The following NIPAL3 variants were observed in gnomAD, a reference collection of about 807,000 sequenced individuals.
NIPAL3 encodes NIPA-like protein 3.
A neutral mutation model predicts 47.2 loss-of-function variants in NIPAL3; 41 were observed. The ratio of observed to expected loss-of-function variants is 0.87; its 90% CI spans 0.68 to 1.13. The LOEUF is 1.13. Among genes scored for constraint, NIPAL3 ranks in the 50% most tolerant of loss-of-function variants. NIPAL3 has a pLI of 0.00. For synonymous variants in NIPAL3, 194 were observed against 209.6 expected, an observed-to-expected ratio of 0.93 and a Z score of 0.64; for missense variants, 449 against 530.1, an observed-to-expected ratio of 0.85 and a Z score of 1.50.
chr1:24,436,471 T>C (rs1451319711), intron 2 of NIPAL3, among the ~76,000 whole-genome samples: 2 of 151,972 alleles, frequency 1.3e-5, no homozygotes, highest in African/African-American at 4.8e-5. Flanking sequence ...CTCTCTGCAT[T>C]CAGAATTGTC....
chr1:24,453,371 G>C (rs777845731), intron 6 of NIPAL3, 37 bp from the exon 7 acceptor site: 1 of 1,518,556 alleles, frequency 6.6e-7, no homozygotes, highest in South Asian at 1.1e-5. Flanking sequence ...CTACTTCTGT[G>C]GTCCCCACTG....
chr1:24,424,343 C>G lies in NIPAL3; in HGVS notation c.93+4703C>G, dbSNP rs529712432. On this transcript the variant is annotated intron_variant, in intron 2 of 11. Transcript: ENST00000374399. ...CTGTAGAATGTTGGTTTTCATCCTT[C>G]CCTCCCAACGGCTGTGTGGATCAAT... Among the ~76,000 whole-genome samples the G allele has an allele frequency of 1.3e-4, 20 of 152,308 alleles. No homozygotes were observed. The South Asian group carries it at 2.3e-3, about 17-fold the overall frequency.
intron 4 of NIPAL3, 93 bp downstream of exon 4, chr1:24,442,319 C>G (rs1645436562): frequency 4.3e-6 from 6 of 1,388,994 alleles, no homozygotes; most frequent in African/African-American, 1.4e-5. Context: ...ATTGAACAAA[C>G]CAGCTTTAGC....
At chr1:24,457,640 A>C in intron 8 of NIPAL3, 1 of 455,108 alleles carries the variant, frequency 2.2e-6, no homozygotes, top group South Asian at 1.7e-5. Context: ...GGAGAGAGTA[A>C]GAGGCTAGAA....
At chr1:24,448,974 A>C (rs1645802328) in intron 5 of NIPAL3, among the ~76,000 whole-genome samples, 1 of 152,256 alleles carries the variant, frequency 6.6e-6, no homozygotes, top group Non-Finnish European at 1.5e-5. Flanking sequence ...CACAGTGAGA[A>C]CGAATGAACT....
At chr1:24,430,615 A>C (rs542905597) in intron 2 of NIPAL3, among the ~76,000 whole-genome samples, 1 of 152,216 alleles carries the variant, frequency 6.6e-6, no homozygotes, top group Admixed American at 6.5e-5. Context: ...ATGATAAACT[A>C]TTTTCATCAG....
chr1:24,448,209 C>T (rs1048625380), intron 5 of NIPAL3, among the ~76,000 whole-genome samples: 1 of 152,192 alleles, frequency 6.6e-6, no homozygotes, highest in Non-Finnish European at 1.5e-5. Flanking sequence ...AAAGTTAGTT[C>T]TATCCCAGAA....
chr1:24,436,302 T>A (rs1468343470), intron 2 of NIPAL3, among the ~76,000 whole-genome samples: 1 of 152,098 alleles, frequency 6.6e-6, no homozygotes, highest in Non-Finnish European at 1.5e-5. Flanking sequence ...GGCTTTTGTT[T>A]TTTTTTTACC....
chr1:24,472,477 T>G lies in NIPAL3; in HGVS notation c.*3292T>G, dbSNP rs1480652401. The G allele has an allele frequency of 6.6e-6, 1 of 152,168 alleles. No individual in the cohort carries two copies. The highest frequency in any genetic ancestry group is 2.4e-5 in the African/African-American group (1 of 41,444). The allele number at this position is 152,168 out of a possible 1,614,324, so 9.4% of individuals were successfully genotyped here. On this transcript the variant is annotated 3_prime_UTR_variant, in exon 12 of 12. Transcript: ENST00000374399. The stretch of plus-strand genomic sequence containing the variant: ...TGGCTCTGACGTCCCCAAGCCCTCT[T>G]GAATGTTGCAAGCAATGTTAAATAT...
intron 5 of NIPAL3, among the ~76,000 whole-genome samples, chr1:24,447,239 C>T (rs960637292): frequency 6.6e-6 from 1 of 152,182 alleles, no homozygotes; most frequent in Non-Finnish European, 1.5e-5. Context: ...GAAGTGTATA[C>T]TGATGCCTGC....
chr1:24,458,421 A>G (rs1646321931), intron 8 of NIPAL3, among the ~76,000 whole-genome samples: 1 of 152,184 alleles, frequency 6.6e-6, no homozygotes. Context: ...TTTTTCCTGT[A>G]TTTATTTCAG....
rs1646674625 is a variant in NIPAL3 at position 24,465,839 on chromosome 1, C to T, written c.1021+1719C>T. 4.9e-5 allele frequency: 55 copies of T among 1,111,508 alleles called. No homozygotes were observed. In the South Asian group the frequency reaches 1.1e-3, roughly 22 times the overall value. 68.9% of individuals were successfully genotyped at this position (1,111,508 alleles called of 1,614,324 possible). The stretch of plus-strand genomic sequence containing the variant: ...GCCTGGTTATATTTGGTTTCACTTC[C>T]CTTTTGCTTTAAAAACCTTTGGAAG... On this transcript the variant is annotated intron_variant, in intron 11 of 11. Transcript: ENST00000374399.
At chr1:24,429,861 A>G (rs1483712039) in intron 2 of NIPAL3, among the ~76,000 whole-genome samples, 1 of 152,226 alleles carries the variant, frequency 6.6e-6, no homozygotes, top group Non-Finnish European at 1.5e-5. Flanking sequence ...AAATTTTTTC[A>G]TACTTCTCTA....
chr1:24,422,206 C>T (rs1012152316), intron 2 of NIPAL3: 3 of 152,228 alleles, frequency 2.0e-5, no homozygotes, highest in Non-Finnish European at 2.9e-5. Context: ...ATTGGCATCT[C>T]GCTCCTTGGT....
chr1:24,418,920 GT>G (rs57731517), intron 1 of NIPAL3, among the ~76,000 whole-genome samples: 31,245 of 133,708 alleles, frequency 0.23, 3,344 homozygotes, highest in East Asian at 0.44. Context: ...TAGTGGAATT[GT>G]TTTTTTTTTT....
chr1:24,420,857 G>A (rs1644297879), intron 2 of NIPAL3, among the ~76,000 whole-genome samples: 1 of 152,122 alleles, frequency 6.6e-6, no homozygotes, highest in South Asian at 2.1e-4. Flanking sequence ...GTAAATCTCT[G>A]TGCTGATCTC....
intron 10 of NIPAL3, among the ~76,000 whole-genome samples, chr1:24,460,747 T>C (rs1205961007): frequency 6.6e-6 from 1 of 152,176 alleles, no homozygotes; most frequent in Non-Finnish European, 1.5e-5. Context: ...TCTAATCTCT[T>C]TGGCATTTCT....
intron 5 of NIPAL3, among the ~76,000 whole-genome samples, chr1:24,447,486 C>G (rs556295259): frequency 1.5e-3 from 222 of 151,948 alleles, no homozygotes; most frequent in African/African-American, 5.2e-3. Context: ...TTGGGGACCA[C>G]TCTGAATCAT....
chr1:24,420,505 CA>C (rs1395882527), intron 2 of NIPAL3, among the ~76,000 whole-genome samples: 8 of 147,862 alleles, frequency 5.4e-5, no homozygotes, highest in East Asian at 2.0e-4. Context: ...ACCCTGATGC[CA>C]AAAAAAAAGT....
Sources: gnomAD v4.1 joint callset for allele counts (sites outside exome capture counted in the v4.1 genomes callset) on GRCh38, gnomAD v4.1.1 for gene constraint, MANE v1.5 for transcripts, NCBI Gene and HGNC (gene_info 2026-07-23, HGNC 2026-07-21) for gene names.